The following GPR158 variants were observed in gnomAD, a reference collection of about 807,000 sequenced individuals.
GPR158 encodes G protein-coupled receptor 158.
Under a neutral mutation model 78.2 loss-of-function variants are expected in GPR158, and 30 were observed. That is an observed-to-expected ratio of 0.38 (90% CI 0.29 to 0.52). The LOEUF is 0.52. Ranked by LOEUF, GPR158 falls within the 20% of genes least tolerant of loss-of-function variation. GPR158 has a pLI of 0.83. For missense variants in GPR158, 1,463 were observed against 1,523.5 expected, an observed-to-expected ratio of 0.96 and a Z score of 0.66; for synonymous variants, 581 against 591.1, an observed-to-expected ratio of 0.98 and a Z score of 0.25.
At chr10:25,491,970 A>G (rs1230776521) in intron 5 of GPR158, among the ~76,000 whole-genome samples, 2 of 152,136 alleles carry the variant, frequency 1.3e-5, no homozygotes, top group African/African-American at 4.8e-5. Context: ...GAGGCTGGGT[A>G]ATTTATAAAG....
At chr10:25,484,854 A>G (rs890084095) in intron 5 of GPR158, among the ~76,000 whole-genome samples, 2 of 152,276 alleles carry the variant, frequency 1.3e-5, no homozygotes, top group African/African-American at 4.8e-5. Flanking sequence ...ATTCATTTCT[A>G]GAGCCTGATT....
chr10:25,554,221 TC>T (rs1836759899), intron 6 of GPR158, among the ~76,000 whole-genome samples: 1 of 152,152 alleles, frequency 6.6e-6, no homozygotes, highest in South Asian at 2.1e-4. Context: ...TTATAGGAAT[TC>T]CACTTTTCAT....
intron 7 of GPR158, among the ~76,000 whole-genome samples, chr10:25,579,207 T>C (rs1009834907): frequency 6.6e-6 from 1 of 152,046 alleles, no homozygotes; most frequent in Non-Finnish European, 1.5e-5. Flanking sequence ...CAGTCAATTG[T>C]CCATGTTCAG....
At chr10:25,570,919 TA>T (rs936915270) in intron 6 of GPR158, among the ~76,000 whole-genome samples, 6 of 151,962 alleles carry the variant, frequency 3.9e-5, no homozygotes, top group East Asian at 1.9e-4. Context: ...GACTCCATCT[TA>T]AAAAAAATAA....
At chr10:25,366,178 T>C (rs1288119178) in intron 2 of GPR158, among the ~76,000 whole-genome samples, 1 of 151,690 alleles carries the variant, frequency 6.6e-6, no homozygotes, top group Non-Finnish European at 1.5e-5. Flanking sequence ...TTTGGGACTG[T>C]TACAAATAGT....
At chr10:25,249,559 A>G (rs923739875) in intron 2 of GPR158, among the ~76,000 whole-genome samples, 10 of 151,832 alleles carry the variant, frequency 6.6e-5, no homozygotes, top group African/African-American at 2.4e-4. Context: ...TTCTGCATCT[A>G]TTGAGATAAT....
intron 4 of GPR158, among the ~76,000 whole-genome samples, chr10:25,457,014 C>T (rs1051887517): frequency 9.2e-5 from 14 of 151,948 alleles, no homozygotes; most frequent in African/African-American, 2.9e-4. Context: ...GCCCTGTCAC[C>T]TAGGCTGGAG....
rs1281589754 is a variant in GPR158 at position 25,598,915 on chromosome 10, G to A, written c.3289G>A (p.Glu1097Lys). 6.2e-7 allele frequency: 1 copy of A among 1,614,030 alleles called. No individual in the cohort carries two copies. The highest frequency in any genetic ancestry group is 1.7e-5 in the Admixed American group (1 of 60,016). The part of the protein sequence containing the change: ...LLISKTPVLP[E>K]RAKEENGGQP... The stretch of plus-strand genomic sequence containing the variant: ...GATTTCCAAGACTCCAGTTCTCCCA[G>A]AGAGGGCAAAAGAGGAGAACGGAGG... The change falls in exon 11 of 11, where the codon GAG becomes AAG. Residue 1097 changes from glutamate (E) to lysine (K), a missense_variant. Physicochemically the swap from Glu to Lys is moderately conservative, Grantham distance 56. Transcript: ENST00000376351.
At chr10:25,274,412 G>A (rs1303630973) in intron 2 of GPR158, among the ~76,000 whole-genome samples, 1 of 152,206 alleles carries the variant, frequency 6.6e-6, no homozygotes, top group African/African-American at 2.4e-5. Flanking sequence ...TTCTATTGAA[G>A]AGATAGTTTT....
intron 2 of GPR158, among the ~76,000 whole-genome samples, chr10:25,271,080 C>T (rs540500680): frequency 6.6e-6 from 1 of 152,150 alleles, no homozygotes; most frequent in Non-Finnish European, 1.5e-5. Flanking sequence ...GAGCTGCCTC[C>T]CACCTCAGGA....
chr10:25,205,779 A>C (rs1588734149), intron 1 of GPR158, among the ~76,000 whole-genome samples: 1 of 150,632 alleles, frequency 6.6e-6, no homozygotes, highest in African/African-American at 2.4e-5. Flanking sequence ...TTTCTATTGC[A>C]CTGTGGTCTG....
chr10:25,338,563 T>C (rs1855257452), intron 2 of GPR158, among the ~76,000 whole-genome samples: 2 of 140,116 alleles, frequency 1.4e-5, no homozygotes, highest in African/African-American at 5.0e-5. Context: ...TAATACGTAT[T>C]GTATATTATT....
intron 4 of GPR158, among the ~76,000 whole-genome samples, chr10:25,455,919 G>A (rs1336419267): frequency 6.6e-6 from 1 of 151,950 alleles, no homozygotes; most frequent in Non-Finnish European, 1.5e-5. Flanking sequence ...CATTCAATGT[G>A]GACTAAATTT....
At chr10:25,455,137 G>T (rs1002949567) in intron 4 of GPR158, among the ~76,000 whole-genome samples, 1 of 152,130 alleles carries the variant, frequency 6.6e-6, no homozygotes, top group Non-Finnish European at 1.5e-5. Context: ...TAGAAAAGCA[G>T]GTTGGAAAAA....
rs768387048 is a variant in GPR158 at position 25,175,771 on chromosome 10, C to G, written c.351C>G (p.Ser117Arg). 1.2e-5 allele frequency: 20 copies of G among 1,611,028 alleles called. No homozygotes were observed. Among genetic ancestry groups the G allele is most frequent in the Non-Finnish European group, 1.5e-5 (18 of 1,179,936 alleles). ...GLPGKWPALA[S>R]AHPSLHRALD... ...CGGGGAAGTGGCCAGCCCTGGCCAG[C>G]GCGCACCCCTCCTTGCACCGGGCGC... The change falls in exon 1 of 11, where the codon AGC becomes AGG. Residue 117 changes from serine (S) to arginine (R), a missense_variant. Transcript: ENST00000376351. This position sits in a 1 kb window ranked among gnomAD's most constrained non-coding sequence, Gnocchi z 6.4.
chr10:25,194,033 T>A (rs1380106713), intron 1 of GPR158, among the ~76,000 whole-genome samples: 1 of 152,198 alleles, frequency 6.6e-6, no homozygotes, highest in African/African-American at 2.4e-5. Flanking sequence ...TTGGGTCAAT[T>A]CATGGCTCAA....
chr10:25,342,211 A>G (rs560111681), intron 2 of GPR158, among the ~76,000 whole-genome samples: 6 of 151,460 alleles, frequency 4.0e-5, no homozygotes, highest in African/African-American at 1.4e-4. Flanking sequence ...TGTGTGCTAT[A>G]TCTGGCTCTT....
intron 2 of GPR158, among the ~76,000 whole-genome samples, chr10:25,370,144 G>GA (rs1385056662): frequency 1.3e-5 from 1 of 79,186 alleles, no homozygotes; most frequent in Non-Finnish European, 3.5e-5. Flanking sequence ...ATTTTTTGAA[G>GA]GGTTTTTTGT....
chr10:25,573,342 T>A (rs79022942), intron 7 of GPR158, among the ~76,000 whole-genome samples: 3,395 of 152,338 alleles, frequency 0.022, 51 homozygotes, highest in African/African-American at 0.038. Flanking sequence ...ATATTGTCTC[T>A]GCAAAATTTC....
Sources: allele counts gnomAD v4.1 joint callset (sites outside exome capture counted in the v4.1 genomes callset), GRCh38; gene constraint gnomAD v4.1.1; non-coding constraint Gnocchi (gnomAD v3.1); transcripts MANE v1.5; gene names NCBI Gene and HGNC (gene_info 2026-07-23, HGNC 2026-07-21).